The following NELL1 variants were observed in gnomAD, a reference collection of about 807,000 sequenced individuals.
NELL1 encodes the protein neural EGFL like 1.
In NELL1, 76 loss-of-function variants were observed where a neutral mutation model predicts 107.4. The ratio of observed to expected loss-of-function variants is 0.71; its 90% CI spans 0.59 to 0.86. The LOEUF (loss-of-function observed/expected upper bound fraction) is 0.86, where lower values mean the gene tolerates loss of function less well. NELL1 is among the 40% of genes least tolerant of loss of function. NELL1 has a pLI of 0.00. For missense variants in NELL1, 1,024 were observed against 1,005.5 expected (o/e 1.02, Z -0.25); for synonymous variants, 353 against 341.2 (o/e 1.03, Z -0.38).
At chr11:20,671,535 G>A (rs1456717414) in intron 1 of NELL1, among the ~76,000 whole-genome samples, 1 of 152,196 alleles carries the variant, frequency 6.6e-6, no homozygotes, top group East Asian at 1.9e-4. Context: ...GCTTGTGGAA[G>A]GGGTCTTTAA....
At chr11:20,962,269 C>T (rs989650970) in intron 12 of NELL1, among the ~76,000 whole-genome samples, 21 of 151,996 alleles carry the variant, frequency 1.4e-4, no homozygotes, top group African/African-American at 5.1e-4. Context: ...TATTTTCTAT[C>T]AGAAAATTTA....
chr11:21,290,398 G>GATAAATAGATAAATAAATAAATAA (rs1554995055), intron 14 of NELL1, among the ~76,000 whole-genome samples: 13 of 146,400 alleles, frequency 8.9e-5, no homozygotes, highest in African/African-American at 3.3e-4. Context: ...AAAATAAATA[G>GATAAATAGATAAATAAATAAATAA]ATAAATAAAT....
chr11:20,769,014 G>C (rs944706710), intron 2 of NELL1, among the ~76,000 whole-genome samples: 3 of 152,158 alleles, frequency 2.0e-5, no homozygotes, highest in Admixed American at 1.3e-4. Flanking sequence ...ATTTAAGTTT[G>C]AAAAGGATCT....
chr11:21,065,960 C>T (rs1337410477), intron 12 of NELL1, among the ~76,000 whole-genome samples: 1 of 152,074 alleles, frequency 6.6e-6, no homozygotes, highest in African/African-American at 2.4e-5. Context: ...CCATGTCTAC[C>T]CTACATGTTC....
At chr11:21,386,591 A>C (rs1851751287) in intron 15 of NELL1, among the ~76,000 whole-genome samples, 1 of 151,806 alleles carries the variant, frequency 6.6e-6, no homozygotes, top group Non-Finnish European at 1.5e-5. Context: ...TGGTTAAAGA[A>C]CTGCGGACTG....
chr11:20,676,127 C>T (rs1325382385), intron 1 of NELL1, among the ~76,000 whole-genome samples: 1 of 152,056 alleles, frequency 6.6e-6, no homozygotes, highest in Admixed American at 6.5e-5. Flanking sequence ...TAGGACACTC[C>T]CAGTTTGTTC....
intron 12 of NELL1, among the ~76,000 whole-genome samples, chr11:21,099,256 T>A (rs1854743257): frequency 6.9e-6 from 1 of 145,796 alleles, no homozygotes; most frequent in African/African-American, 2.6e-5. Context: ...CACACACGGA[T>A]CAGCTGTCAT....
At chr11:21,440,254 T>C (rs1224896386) in intron 15 of NELL1, among the ~76,000 whole-genome samples, 1 of 152,064 alleles carries the variant, frequency 6.6e-6, no homozygotes, top group Non-Finnish European at 1.5e-5. Context: ...TAAGTTATTT[T>C]AAACATCAGC....
At chr11:21,463,571 G>C (rs1853951975) in intron 15 of NELL1, among the ~76,000 whole-genome samples, 1 of 152,050 alleles carries the variant, frequency 6.6e-6, no homozygotes, top group Admixed American at 6.6e-5. Flanking sequence ...TCTGTAGTTT[G>C]ACAGAGTATC....
At chr11:20,849,495 C>T (rs1489892337) in intron 4 of NELL1, among the ~76,000 whole-genome samples, 1 of 152,150 alleles carries the variant, frequency 6.6e-6, no homozygotes, top group East Asian at 1.9e-4. Flanking sequence ...ACCTCTCTAC[C>T]AGGAGAGTGA....
chr11:21,276,407 G>C (rs1319327954), intron 14 of NELL1, among the ~76,000 whole-genome samples: 2 of 152,084 alleles, frequency 1.3e-5, no homozygotes, highest in African/African-American at 2.4e-5. Flanking sequence ...AGGATACAGA[G>C]AAATGGAAGA....
intron 12 of NELL1, among the ~76,000 whole-genome samples, chr11:21,088,349 A>C (rs766929398): frequency 2.0e-5 from 3 of 152,128 alleles, no homozygotes; most frequent in Non-Finnish European, 4.4e-5. Flanking sequence ...TATCATAATT[A>C]CTATGCAAAG....
intron 15 of NELL1, among the ~76,000 whole-genome samples, chr11:21,412,181 CT>C (rs1852395061): frequency 6.6e-6 from 1 of 151,916 alleles, no homozygotes; most frequent in African/African-American, 2.4e-5. Context: ...GGATATTTTC[CT>C]CATTTAGTTA....
At chr11:21,359,357 G>T (rs1851019561) in intron 14 of NELL1, among the ~76,000 whole-genome samples, 1 of 152,084 alleles carries the variant, frequency 6.6e-6, no homozygotes, top group African/African-American at 2.4e-5. Flanking sequence ...TTATCTTTTT[G>T]ATATGCTGTT....
intron 15 of NELL1, among the ~76,000 whole-genome samples, chr11:21,530,488 A>G (rs1447125653): frequency 6.6e-6 from 1 of 152,150 alleles, no homozygotes; most frequent in East Asian, 1.9e-4. Flanking sequence ...ATTTTATGAA[A>G]ACAAACCTTG....
intron 3 of NELL1, among the ~76,000 whole-genome samples, chr11:20,820,387 A>G (rs1489740148): frequency 6.6e-6 from 1 of 152,212 alleles, no homozygotes; most frequent in Non-Finnish European, 1.5e-5. Flanking sequence ...CTGTGCTAGG[A>G]GCTGGGGAGA....
chr11:20,758,282 G>T (rs1856341715), intron 2 of NELL1, among the ~76,000 whole-genome samples: 1 of 152,008 alleles, frequency 6.6e-6, no homozygotes, highest in Admixed American at 6.6e-5. Context: ...GGCAGGCATT[G>T]TCCTCCCACG....
chr11:21,419,152 C>A (rs557531608), intron 15 of NELL1, among the ~76,000 whole-genome samples: 2 of 152,162 alleles, frequency 1.3e-5, no homozygotes, highest in Non-Finnish European at 2.9e-5. Flanking sequence ...AATGCACGAC[C>A]TTTGACCAAG....
chr11:20,863,568 C>G (rs1849032194), intron 4 of NELL1, among the ~76,000 whole-genome samples: 1 of 151,526 alleles, frequency 6.6e-6, no homozygotes, highest in South Asian at 2.1e-4. Context: ...GGCAGAGACG[C>G]TCCTCACTTC....
Sources: gnomAD v4.1 joint callset for allele counts (sites outside exome capture counted in the v4.1 genomes callset) on GRCh38, gnomAD v4.1.1 for gene constraint, MANE v1.5 for transcripts, NCBI Gene and HGNC (gene_info 2026-07-23, HGNC 2026-07-21) for gene names.